CAMSAP2: variants seen among roughly 807,000 people sequenced by gnomAD.
CAMSAP2 encodes the protein calmodulin-regulated spectrin-associated protein 2.
Under a neutral mutation model 146.1 loss-of-function variants are expected in CAMSAP2, and 26 were observed. That is an observed-to-expected ratio of 0.18 (90% CI 0.13 to 0.25). The LOEUF (loss-of-function observed/expected upper bound fraction) is 0.25, where lower values mean the gene tolerates loss of function less well. CAMSAP2 is among the 10% of genes least tolerant of loss of function. The probability of loss-of-function intolerance (pLI) is 1.00; values close to 1 mark genes in which losing one functional copy is unlikely to be tolerated. For missense variants in CAMSAP2, 1,381 were observed against 1,759.3 expected (o/e 0.78, Z 3.85); for synonymous variants, 499 against 596.6 (o/e 0.84, Z 2.38).
rs557938175 is a variant in CAMSAP2, at chr1:200,804,833, CCTA to C, written c.400-2540_400-2538del. ...GTTTTAATTTGAAATAATTATTGAT[CCTA>C]CTTTTTCTTTCTTGCATATTATGTT... On this transcript the variant is annotated intron_variant, in intron 2 of 16. Coordinates refer to ENST00000358823, the MANE Select transcript of CAMSAP2 (RefSeq NM_203459.4). Among the ~76,000 whole-genome samples the C allele has an allele frequency of 4.8e-4, 73 of 152,242 alleles. 1 individual carries two copies. The highest frequency in any genetic ancestry group is 1.7e-3 in the African/African-American group (70 of 41,544).
intron 11 of CAMSAP2, among the ~76,000 whole-genome samples, chr1:200,851,319 G>A (rs925332631): frequency 6.6e-6 from 1 of 152,094 alleles, no homozygotes; most frequent in Non-Finnish European, 1.5e-5. Context: ...TCCTGCCACA[G>A]CCTCCCTAGT....
At chr1:200,747,307 G>A (rs1558158352) in intron 1 of CAMSAP2, among the ~76,000 whole-genome samples, 1 of 152,180 alleles carries the variant, frequency 6.6e-6, no homozygotes, top group Admixed American at 6.5e-5. Context: ...AAGGGAATGT[G>A]GAGGCTCAGA....
intron 1 of CAMSAP2, among the ~76,000 whole-genome samples, chr1:200,751,691 T>C (rs7548165): frequency 6.6e-6 from 1 of 151,974 alleles, no homozygotes; most frequent in South Asian, 2.1e-4. Flanking sequence ...TGTCAAAAGC[T>C]TTCCCTGGCT....
chr1:200,758,521 C>T (rs183302373), intron 1 of CAMSAP2, among the ~76,000 whole-genome samples: 139 of 152,236 alleles, frequency 9.1e-4, no homozygotes, highest in African/African-American at 3.0e-3. Context: ...AGTGCATCTA[C>T]GAAGAAAGGA....
intron 4 of CAMSAP2, among the ~76,000 whole-genome samples, chr1:200,817,179 C>CACACACACATATAAGTGTGTGTATAT (rs1558192045): frequency 2.1e-4 from 13 of 61,090 alleles, no homozygotes; most frequent in Non-Finnish European, 3.7e-4. Context: ...TGTGTATATA[C>CACACACACATATAAGTGTGTGTATAT]ACACACACAC....
intron 2 of CAMSAP2, among the ~76,000 whole-genome samples, chr1:200,786,891 C>T (rs962517706): frequency 6.6e-6 from 1 of 152,030 alleles, no homozygotes; most frequent in African/African-American, 2.4e-5. Flanking sequence ...TCCTAGGGCA[C>T]TTAAGAACTA....
chr1:200,836,417 T>A (rs1667185312), intron 6 of CAMSAP2, among the ~76,000 whole-genome samples: 1 of 152,216 alleles, frequency 6.6e-6, no homozygotes, highest in Non-Finnish European at 1.5e-5. Flanking sequence ...ACAAAGGACA[T>A]GATCTTGTTC....
At position 200,754,574 on chromosome 1, in the gene CAMSAP2, C is replaced by CTTTT. The variant is rs35219206; in HGVS notation, c.140-6242_140-6239dup. Among the ~76,000 whole-genome samples the CTTTT allele has an allele frequency of 5.4e-4, 47 of 86,570 alleles. 5 individuals are homozygous for CTTTT. Among genetic ancestry groups the CTTTT allele is most frequent in the Admixed American group, 1.7e-3 (13 of 7,790 alleles). The allele number at this position is 86,570 out of a possible 152,430, so 56.8% of individuals were successfully genotyped here. A position where few individuals can be genotyped will look rare whatever the true frequency, so the allele number is the denominator to read the frequency against. On this transcript the variant is annotated intron_variant, in intron 1 of 16. Coordinates refer to ENST00000358823, the MANE Select transcript of CAMSAP2 (RefSeq NM_203459.4). ...ATTATTCTACCACAAGAAAGAGCTC[C>CTTTT]TTTTTTTTTTTTTTTTTTTTTTTTT...
At chr1:200,751,633 A>G (rs1388766954) in intron 1 of CAMSAP2, among the ~76,000 whole-genome samples, 1 of 152,036 alleles carries the variant, frequency 6.6e-6, no homozygotes, top group African/African-American at 2.4e-5. Context: ...TCTCTAAATC[A>G]TAACAGAATA....
At position 200,848,286 on chromosome 1, in the gene CAMSAP2, C is replaced by T; in HGVS notation, c.1517C>T (p.Thr506Ile). The change falls in exon 11 of 17, where the codon ACA becomes ATA. Residue 506 changes from threonine to isoleucine, a missense_variant. Transcript: ENST00000358823. ...CTCAAATCTTGTGTGCCCCTTAACA[C>T]AAATGAACTAAATTCTAATGAGAAT... ...SDLKSCVPLN[T>I]NELNSNENIH... The T allele has an allele frequency of 6.2e-7, 1 of 1,613,178 alleles. No homozygotes were observed. Among genetic ancestry groups the T allele is most frequent in the South Asian group, 1.1e-5 (1 of 90,992 alleles).
At chr1:200,856,213 C>A in intron 15 of CAMSAP2, 88 bp downstream of exon 15, 2 of 892,842 alleles carry the variant, frequency 2.2e-6, no homozygotes, top group Middle Eastern at 2.6e-4. Flanking sequence ...ATTGGCTCAC[C>A]TTTGGGTCTT....
intron 1 of CAMSAP2, among the ~76,000 whole-genome samples, chr1:200,748,001 A>AG (rs1454018431): frequency 4.6e-5 from 7 of 151,734 alleles, no homozygotes; most frequent in African/African-American, 1.7e-4. Flanking sequence ...AAAAAAAAAA[A>AG]AAAAGAAAAT....
chr1:200,829,822 A>C (rs1483477450), intron 4 of CAMSAP2, among the ~76,000 whole-genome samples: 1 of 151,940 alleles, frequency 6.6e-6, no homozygotes, highest in Non-Finnish European at 1.5e-5. Context: ...ACCTACTCAA[A>C]AGGCTGAGGT....
At chr1:200,855,963 A>AT (rs766672530) in intron 14 of CAMSAP2, 47 bp from the exon 15 acceptor site, 5 of 1,343,274 alleles carry the variant, frequency 3.7e-6, no homozygotes, top group Non-Finnish European at 5.3e-6. Flanking sequence ...TCTGGGCCCC[A>AT]TTTTTTCTCT....
chr1:200,853,205 T>TAC lies in CAMSAP2; in HGVS notation c.3603-68_3603-67dup, dbSNP rs1411555217. 7 of 1,317,866 alleles carry TAC rather than the reference T, an allele frequency of 5.3e-6. No individual in the cohort carries two copies. The East Asian group carries it at 1.4e-4, about 26-fold the overall frequency. The allele number at this position is 1,317,866 out of a possible 1,614,324, so 81.6% of individuals were successfully genotyped here. A position where few individuals can be genotyped will look rare whatever the true frequency, so the allele number is the denominator to read the frequency against. ...TAGAATTCTCCTTTCTCATATCAAA[T>TAC]ACATAACTCTCTCCTGTATGGTTTG... On this transcript the variant is annotated intron_variant, in intron 12 of 16. Coordinates refer to ENST00000358823, the MANE Select transcript of CAMSAP2 (RefSeq NM_203459.4). This position sits in a 1 kb window ranked among gnomAD's most constrained non-coding sequence, Gnocchi z 5.1.
intron 6 of CAMSAP2, among the ~76,000 whole-genome samples, chr1:200,839,632 T>C (rs186524901): frequency 5.8e-4 from 88 of 152,220 alleles, no homozygotes; most frequent in Admixed American, 5.7e-3. Context: ...TTCTCACTCA[T>C]AAGTGGGAGC....
intron 2 of CAMSAP2, among the ~76,000 whole-genome samples, chr1:200,796,982 C>G (rs1665901886): frequency 6.6e-6 from 1 of 152,154 alleles, no homozygotes; most frequent in South Asian, 2.1e-4. Flanking sequence ...TCTTCCATGT[C>G]CCTACAAAGG....
At chr1:200,783,348 G>T (rs1045441399) in intron 2 of CAMSAP2, among the ~76,000 whole-genome samples, 1 of 152,018 alleles carries the variant, frequency 6.6e-6, no homozygotes, top group East Asian at 1.9e-4. Context: ...TGAAATGTCT[G>T]TTCAAATCTT....
intron 4 of CAMSAP2, among the ~76,000 whole-genome samples, chr1:200,817,181 C>CACACATATAAGTGTGTGTGTAT (rs1553288774): frequency 5.6e-5 from 3 of 53,790 alleles, no homozygotes; most frequent in Non-Finnish European, 1.0e-4. Flanking sequence ...TGTATATACA[C>CACACATATAAGTGTGTGTGTAT]ACACACACAT....
Sources: allele counts gnomAD v4.1 joint callset (sites outside exome capture counted in the v4.1 genomes callset), GRCh38; gene constraint gnomAD v4.1.1; non-coding constraint Gnocchi (gnomAD v3.1); transcripts MANE v1.5; gene names NCBI Gene and HGNC (gene_info 2026-07-23, HGNC 2026-07-21).